Variants in PPP2R2A observed in about 807,000 individuals in gnomAD.
PPP2R2A encodes serine/threonine-protein phosphatase 2A 55 kDa regulatory subunit B alpha isoform.
Under a neutral mutation model 53.2 loss-of-function variants are expected in PPP2R2A, and 9 were observed. The observed-to-expected ratio is 0.17, with a 90% confidence interval of 0.10 to 0.30. PPP2R2A has a LOEUF of 0.30. PPP2R2A is among the 10% of genes least tolerant of loss of function. The probability of loss-of-function intolerance (pLI) is 1.00; values close to 1 mark genes in which losing one functional copy is unlikely to be tolerated. For missense variants in PPP2R2A, 235 were observed against 534.6 expected (o/e 0.44, Z 5.53); for synonymous variants, 169 against 174.2 (o/e 0.97, Z 0.23).
chr8:26,319,709 A>G (rs1406203376), intron 2 of PPP2R2A, among the ~76,000 whole-genome samples: 2 of 152,216 alleles, frequency 1.3e-5, no homozygotes, highest in Non-Finnish European at 2.9e-5. Context: ...TTCCATTGAT[A>G]GAACCCATTA....
At chr8:26,316,489 T>G (rs1389513189) in intron 2 of PPP2R2A, among the ~76,000 whole-genome samples, 1 of 152,208 alleles carries the variant, frequency 6.6e-6, no homozygotes, top group Non-Finnish European at 1.5e-5. Context: ...ACTTCAGCTT[T>G]CTTAGATAAA....
At chr8:26,292,514 C>T in intron 1 of PPP2R2A, 4 of 885,216 alleles carry the variant, frequency 4.5e-6, no homozygotes, top group Non-Finnish European at 5.4e-6. Context: ...TGTCCTTTTC[C>T]CAAAAGGGTT....
chr8:26,333,835 T>G (rs1294049046), intron 2 of PPP2R2A, among the ~76,000 whole-genome samples: 1 of 152,166 alleles, frequency 6.6e-6, no homozygotes, highest in Non-Finnish European at 1.5e-5. Context: ...CCAATTGCTC[T>G]TCCACTCACA....
chr8:26,294,341 T>A (rs1801446319), intron 2 of PPP2R2A, among the ~76,000 whole-genome samples: 1 of 152,224 alleles, frequency 6.6e-6, no homozygotes, highest in South Asian at 2.1e-4. Context: ...GAATCGTATA[T>A]TCTTGTGCAG....
At chr8:26,341,250 A>G (rs1485165794) in intron 3 of PPP2R2A, among the ~76,000 whole-genome samples, 3 of 152,288 alleles carry the variant, frequency 2.0e-5, no homozygotes, top group Non-Finnish European at 4.4e-5. Context: ...TGTTTTGCCT[A>G]TTTAATTTTC....
chr8:26,329,004 T>C (rs1302407704), intron 2 of PPP2R2A, among the ~76,000 whole-genome samples: 1 of 152,228 alleles, frequency 6.6e-6, no homozygotes, highest in Non-Finnish European at 1.5e-5. Flanking sequence ...TCTTACACTT[T>C]ATTTTTTGTG....
At chr8:26,293,346 T>C (rs1036708424) in intron 1 of PPP2R2A, 12 of 1,381,708 alleles carry the variant, frequency 8.7e-6, no homozygotes, top group Non-Finnish European at 1.2e-5. Context: ...TCTTTAACTC[T>C]TGGTATTTAC....
chr8:26,352,347 C>G (rs1275405984), intron 3 of PPP2R2A, among the ~76,000 whole-genome samples: 4 of 152,180 alleles, frequency 2.6e-5, no homozygotes, highest in African/African-American at 9.7e-5. Context: ...TAAACATCCC[C>G]TCCCAAAGTG....
intron 3 of PPP2R2A, among the ~76,000 whole-genome samples, chr8:26,344,079 A>AT (rs1804089315): frequency 6.6e-6 from 1 of 152,202 alleles, no homozygotes; most frequent in East Asian, 1.9e-4. Flanking sequence ...TAAGGAAGTG[A>AT]TTCTTCACTG....
chr8:26,364,218 T>C (rs1341916494), intron 8 of PPP2R2A, among the ~76,000 whole-genome samples: 1 of 152,084 alleles, frequency 6.6e-6, no homozygotes, highest in Non-Finnish European at 1.5e-5. Context: ...AGGAAGAGGA[T>C]TGGAGAAAGT....
rs1477754308 is a variant in PPP2R2A, at chr8:26,364,004, C to T, written c.972+114C>T. ...TGTATGGTGTTTGTTCACCATTAGG[C>T]CTTTTCCCTCAGAGATCTATGAGTA... On this transcript the variant is annotated intron_variant, in intron 8 of 9. Transcript: ENST00000380737. The T allele has an allele frequency of 8.7e-6, 8 of 916,510 alleles. No homozygotes were observed. The Admixed American group carries it at 8.9e-5, about 10-fold the overall frequency. The allele number at this position is 916,510 out of a possible 1,614,324, so 56.8% of individuals were successfully genotyped here.
intron 4 of PPP2R2A, chr8:26,358,987 G>C (rs1286660179): frequency 2.2e-6 from 1 of 454,834 alleles, no homozygotes; most frequent in Non-Finnish European, 4.4e-6. Flanking sequence ...GGAGAAGCCT[G>C]GCAAACATTG....
At chr8:26,320,021 C>T (rs1802756194) in intron 2 of PPP2R2A, among the ~76,000 whole-genome samples, 1 of 152,066 alleles carries the variant, frequency 6.6e-6, no homozygotes, top group Admixed American at 6.6e-5. Context: ...GTATCTTTGC[C>T]AAGGTAAGTG....
intron 8 of PPP2R2A, among the ~76,000 whole-genome samples, chr8:26,364,420 G>A (rs1805263844): frequency 1.3e-5 from 2 of 152,300 alleles, no homozygotes; most frequent in South Asian, 4.1e-4. Context: ...TTGGATGTCA[G>A]TTCTTGATTC....
At chr8:26,301,091 G>A (rs935307996) in intron 2 of PPP2R2A, among the ~76,000 whole-genome samples, 60 of 152,246 alleles carry the variant, frequency 3.9e-4, no homozygotes, top group Non-Finnish European at 4.4e-4. Context: ...ATAATCTTGA[G>A]CAGGTGGTGA....
intron 2 of PPP2R2A, chr8:26,333,683 C>A: frequency 2.5e-6 from 1 of 396,386 alleles, no homozygotes; most frequent in Non-Finnish European, 3.7e-6. Flanking sequence ...GATTTTTATA[C>A]TGAGAGTTAC....
intron 2 of PPP2R2A, among the ~76,000 whole-genome samples, chr8:26,315,893 C>T (rs547344670): frequency 2.6e-5 from 4 of 152,104 alleles, no homozygotes; most frequent in African/African-American, 9.7e-5. Context: ...TTTATAGTTT[C>T]TTTTCATTCA....
chr8:26,345,711 G>C (rs537264382), intron 3 of PPP2R2A, among the ~76,000 whole-genome samples: 17 of 152,058 alleles, frequency 1.1e-4, no homozygotes, highest in Non-Finnish European at 2.2e-4. Flanking sequence ...TGCAGTTACT[G>C]TGTTTTTCCC....
chr8:26,355,796 G>T (rs905170264), intron 4 of PPP2R2A, among the ~76,000 whole-genome samples: 1 of 151,900 alleles, frequency 6.6e-6, no homozygotes, highest in Non-Finnish European at 1.5e-5. Flanking sequence ...GGTGAACCTG[G>T]GAGGCAGAGC....
Sources: allele counts gnomAD v4.1 joint callset (sites outside exome capture counted in the v4.1 genomes callset), GRCh38; gene constraint gnomAD v4.1.1; transcripts MANE v1.5; gene names NCBI Gene and HGNC (gene_info 2026-07-23, HGNC 2026-07-21).